Variants in MAX observed in about 807,000 individuals in gnomAD.
MAX encodes the protein MYC associated transcriptional regulator X.
A neutral mutation model predicts 22.3 loss-of-function variants in MAX; 3 were observed. That is an observed-to-expected ratio of 0.13 (90% CI 0.06 to 0.35). The LOEUF is 0.35. Ranked by LOEUF, MAX falls within the 10% of genes least tolerant of loss-of-function variation. MAX has a pLI of 1.00. For synonymous variants in MAX, 72 were observed against 77.7 expected (o/e 0.93, Z 0.39); for missense variants, 119 against 209.4 (o/e 0.57, Z 2.66).
In MAX at chr14:65,030,266, A is replaced by G. The variant is rs923127401; in HGVS notation, c.172-23982T>C. Among the ~76,000 whole-genome samples the G allele has an allele frequency of 1.1e-4, 17 of 152,328 alleles. No homozygotes were observed. Among genetic ancestry groups the G allele is most frequent in the Admixed American group, 9.8e-4 (15 of 15,300 alleles). ...AAATTAGCTGCTGGTAGATGATCACATTTGGCATTGGCACTTGTGACTCTT... is the reference window on the plus strand; with the variant it reads ...AAATTAGCTGCTGGTAGATGATCACGTTTGGCATTGGCACTTGTGACTCTT... On this transcript the variant is annotated intron_variant, in intron 3 of 3. Transcript: ENST00000341653. This position sits in a 1 kb window ranked among gnomAD's most constrained non-coding sequence, Gnocchi z 4.5.
chr14:65,101,449 A>C lies in MAX; in HGVS notation c.63+97T>G, dbSNP rs973194883. 12 of 1,127,888 alleles carry C rather than the reference A, an allele frequency of 1.1e-5. No individual in the cohort carries two copies. The South Asian group carries it at 1.4e-4, about 13-fold the overall frequency. The allele number at this position is 1,127,888 out of a possible 1,614,324, so 69.9% of individuals were successfully genotyped here. ...GTGGTTAACATTAGAGTTTACTACA[A>C]TATTAAAAGTAATAGTACGATCTCT... On this transcript the variant is annotated intron_variant, in intron 2 of 4. Coordinates refer to ENST00000358664, the MANE Select transcript of MAX (RefSeq NM_002382.5).
At chr14:65,040,704 C>G in intron 3 of MAX, 2 of 1,325,456 alleles carry the variant, frequency 1.5e-6, no homozygotes, top group East Asian at 3.4e-5. Context: ...TCTGAGTGAA[C>G]TTTTTCTCTG....
intron 2 of MAX, among the ~76,000 whole-genome samples, chr14:65,096,500 C>A (rs1033311005): frequency 2.4e-4 from 36 of 152,266 alleles, no homozygotes; most frequent in African/African-American, 8.4e-4. Context: ...TTCCAAACCA[C>A]AGATCCACCC....
chr14:65,029,749 G>T lies in MAX; in HGVS notation c.172-23465C>A, dbSNP rs1005279477. 2.0e-5 allele frequency among the ~76,000 whole-genome samples: 3 copies of T among 152,202 alleles called. No homozygotes were observed. The highest frequency in any genetic ancestry group is 7.2e-5 in the African/African-American group (3 of 41,446). On this transcript the variant is annotated intron_variant, in intron 3 of 3. Transcript: ENST00000341653. This position sits in a 1 kb window ranked among gnomAD's most constrained non-coding sequence, Gnocchi z 4.7. ...GGGAGCAGTGGAGCTGGAGGGACAG[G>T]CTGGGAACAGGCTACAGAGGCCCTG...
chr14:65,048,550 A>G (rs1462138747), intron 3 of MAX, among the ~76,000 whole-genome samples: 7 of 152,186 alleles, frequency 4.6e-5, no homozygotes, highest in African/African-American at 1.7e-4. Context: ...AGAAGAAGGA[A>G]TTACTATTAG....
intron 3 of MAX, chr14:65,015,745 G>A: frequency 1.2e-6 from 2 of 1,604,136 alleles, no homozygotes; most frequent in Non-Finnish European, 8.5e-7. Flanking sequence ...AATCTGGGGT[G>A]TTCTCTGAAA....
Position 65,028,977 on chromosome 14 carries a change from C to T in MAX, c.172-22693G>A, listed in dbSNP as rs1247095202. Among the ~76,000 whole-genome samples the T allele has an allele frequency of 3.3e-5, 5 of 152,094 alleles. No individual in the cohort carries two copies. Among genetic ancestry groups the T allele is most frequent in the African/African-American group, 7.2e-5 (3 of 41,418 alleles). On this transcript the variant is annotated intron_variant, in intron 3 of 3. Transcript: ENST00000341653. The surrounding 1 kb of genome is among the most constrained non-coding windows in gnomAD (Gnocchi z 4.4). The stretch of plus-strand genomic sequence containing the variant: ...TTGGTATTTTATCATATACCTTTTG[C>T]AGCTGTGATTATTTGCTATCTTATT...
intron 3 of MAX, among the ~76,000 whole-genome samples, chr14:65,033,596 G>A (rs1392749085): frequency 6.6e-6 from 1 of 152,072 alleles, no homozygotes; most frequent in African/African-American, 2.4e-5. Context: ...GGTGGCTCAC[G>A]CCTGTAATTC....
At position 65,011,426 on chromosome 14, in the gene MAX, C is replaced by G. The variant is rs112550962; in HGVS notation, c.172-5142G>C. 0.012 allele frequency among the ~76,000 whole-genome samples: 1,471 copies of G among 125,372 alleles called. 23 individuals are homozygous for G. Among genetic ancestry groups the G allele is most frequent in the East Asian group, 0.1 (394 of 3,898 alleles). 82.2% of individuals were successfully genotyped at this position (125,372 alleles called of 152,430 possible). A position where few individuals can be genotyped will look rare whatever the true frequency, so the allele number is the denominator to read the frequency against. ...CCTGGGTGACAGAGCGAGACTCCGT[C>G]TCAGGAAAAAAAAAAAAAAAAAAAA... On this transcript the variant is annotated intron_variant, in intron 3 of 3. Coordinates refer to the MAX transcript ENST00000341653. This position sits in a 1 kb window ranked among gnomAD's most constrained non-coding sequence, Gnocchi z 4.0.
intron 3 of MAX, among the ~76,000 whole-genome samples, chr14:65,049,959 A>G (rs942392463): frequency 3.9e-5 from 6 of 152,166 alleles, no homozygotes; most frequent in African/African-American, 1.2e-4. Flanking sequence ...TAGTATGATT[A>G]CAATATTAAG....
rs1017830933 is a variant in MAX, at chr14:65,031,369, A to G, written c.172-25085T>C. 4.0e-5 allele frequency among the ~76,000 whole-genome samples: 6 copies of G among 151,070 alleles called. No homozygotes were observed. Among genetic ancestry groups the G allele is most frequent in the Non-Finnish European group, 8.9e-5 (6 of 67,694 alleles). On this transcript the variant is annotated intron_variant, in intron 3 of 3. Coordinates refer to the MAX transcript ENST00000341653. This position sits in a 1 kb window ranked among gnomAD's most constrained non-coding sequence, Gnocchi z 4.6. Reference sequence around the variant, plus strand: ...GTCTCACTCTGTTGCCCAAGCTGGAATGCAGTGGCATGATCTTGGCTCACT... The same window carrying G: ...GTCTCACTCTGTTGCCCAAGCTGGAGTGCAGTGGCATGATCTTGGCTCACT...
At chr14:65,073,311 C>T, downstream of MAX, among the ~76,000 whole-genome samples, 1 of 152,200 alleles carries the variant, frequency 6.6e-6, no homozygotes, top group East Asian at 1.9e-4. Context: ...ACTTCAGTCC[C>T]AGTTCAGGGC....
intron 2 of MAX, among the ~76,000 whole-genome samples, chr14:65,098,412 T>A (rs1309041173): frequency 1.3e-5 from 2 of 152,196 alleles, no homozygotes; most frequent in African/African-American, 4.8e-5. Flanking sequence ...GGTCCAGAAG[T>A]GGAATTGCAC....
rs999148858 is a variant in MAX, at chr14:65,012,410, C to G, written c.172-6126G>C. 1.2e-6 allele frequency: 2 copies of G among 1,613,904 alleles called. No individual in the cohort carries two copies. The highest frequency in any genetic ancestry group is 3.3e-4 in the Middle Eastern group (2 of 6,058). On this transcript the variant is annotated intron_variant, in intron 3 of 3. Transcript: ENST00000341653. The surrounding 1 kb of genome is among the most constrained non-coding windows in gnomAD (Gnocchi z 5.0). Reference sequence around the variant, plus strand: ...ATGAGGTAAACACATTACCCAGGAACTCTTGCTGTCAAATTATCCACCAAA... The same window carrying G: ...ATGAGGTAAACACATTACCCAGGAAGTCTTGCTGTCAAATTATCCACCAAA...
At chr14:65,048,207 T>A (rs1473906090) in intron 3 of MAX, among the ~76,000 whole-genome samples, 1 of 151,806 alleles carries the variant, frequency 6.6e-6, no homozygotes. Flanking sequence ...GGTCTCAAAC[T>A]CCTGGCCTCA....
intron 3 of MAX, among the ~76,000 whole-genome samples, chr14:65,051,510 C>T (rs2062609588): frequency 6.6e-6 from 1 of 151,718 alleles, no homozygotes. Context: ...ACTCGGGAGG[C>T]TGAGGCAGGA....
intron 3 of MAX, among the ~76,000 whole-genome samples, chr14:65,067,793 A>G (rs1430808438): frequency 8.1e-6 from 1 of 123,166 alleles, no homozygotes; most frequent in South Asian, 2.7e-4. Context: ...AGCTAATTAC[A>G]TTTTTTTTTT....
intron 2 of MAX, among the ~76,000 whole-genome samples, chr14:65,100,385 G>A (rs993766042): frequency 1.3e-5 from 2 of 152,176 alleles, no homozygotes; most frequent in African/African-American, 4.8e-5. Context: ...AGGAGGCGGA[G>A]GTTGCAGTAA....
chr14:65,054,738 G>A lies in MAX; in HGVS notation c.171+38970C>T. On this transcript the variant is annotated intron_variant, in intron 3 of 3. Transcript: ENST00000341653. This position sits in a 1 kb window ranked among gnomAD's most constrained non-coding sequence, Gnocchi z 4.4. ...ACCCCTTCTCCACAGGGACCTCGCG[G>A]ACAGAAGGCTTTCCAAGTAAGCAGA... 1 of 1,550,136 alleles carries A rather than the reference G, an allele frequency of 6.5e-7. No homozygotes were observed. The highest frequency in any genetic ancestry group is 8.8e-7 in the Non-Finnish European group (1 of 1,142,440).
Sources: gnomAD v4.1 joint callset for allele counts (sites outside exome capture counted in the v4.1 genomes callset) on GRCh38, gnomAD v4.1.1 for gene constraint, Gnocchi (gnomAD v3.1) non-coding constraint, MANE v1.5 for transcripts, NCBI Gene and HGNC (gene_info 2026-07-23, HGNC 2026-07-21) for gene names.